The following SEPTIN14 variants were observed in gnomAD, a reference collection of about 807,000 sequenced individuals.
SEPTIN14 encodes septin-14.
In SEPTIN14, 40 loss-of-function variants were observed where a neutral mutation model predicts 53.6. The observed-to-expected ratio is 0.75, with a 90% CI of 0.58 to 0.97. SEPTIN14 has a LOEUF of 0.97. Among genes scored for constraint, SEPTIN14 ranks in the 50% least tolerant of loss-of-function variants. The pLI is 0.00. For missense variants in SEPTIN14, 471 were observed against 508.2 expected (o/e 0.93, Z 0.70); for synonymous variants, 138 against 166.8 (o/e 0.83, Z 1.33).
intron 2 of SEPTIN14, among the ~76,000 whole-genome samples, chr7:55,853,897 G>A (rs1022139672): frequency 3.3e-5 from 5 of 151,962 alleles, no homozygotes; most frequent in African/African-American, 9.7e-5. Context: ...GGAAGATCGC[G>A]TGAGCTCAGG....
intron 9 of SEPTIN14, among the ~76,000 whole-genome samples, chr7:55,804,361 C>A (rs1204588169): frequency 1.3e-5 from 2 of 150,824 alleles, no homozygotes; most frequent in African/African-American, 4.9e-5. Flanking sequence ...TGGGTTCAAG[C>A]GATTCTCCTA....
In SEPTIN14 at chr7:55,850,065, T is replaced by C. The variant is rs566769918; in HGVS notation, c.55-3428A>G. ...TCTTCAGGCCCTGCTGATTTCACTA[T>C]TGAATTCTATCAACAAGCAGTTAAA... is the stretch of plus-strand genomic sequence containing the variant. On this transcript the variant is annotated intron_variant, in intron 2 of 9. Coordinates refer to ENST00000388975, the MANE Select transcript of SEPTIN14 (RefSeq NM_207366.3). 2.6e-3 allele frequency among the ~76,000 whole-genome samples: 395 copies of C among 152,360 alleles called. 2 individuals are homozygous for C. The highest frequency in any genetic ancestry group is 4.5e-3 in the Non-Finnish European group (303 of 68,030).
chr7:55,841,638 C>T (rs1293493440), intron 5 of SEPTIN14, among the ~76,000 whole-genome samples: 1 of 151,924 alleles, frequency 6.6e-6, no homozygotes, highest in African/African-American at 2.4e-5. Flanking sequence ...GGTGGATCAC[C>T]CGAGGTCGGG....
intron 2 of SEPTIN14, among the ~76,000 whole-genome samples, chr7:55,855,794 C>T (rs1584275482): frequency 6.6e-6 from 1 of 152,026 alleles, no homozygotes; most frequent in Non-Finnish European, 1.5e-5. Flanking sequence ...CCTCGTGATC[C>T]ACCCACCTCG....
intron 5 of SEPTIN14, among the ~76,000 whole-genome samples, chr7:55,838,715 T>C (rs534207019): frequency 9.3e-4 from 142 of 151,948 alleles, no homozygotes; most frequent in African/African-American, 3.2e-3. Flanking sequence ...GCCTGGCTAA[T>C]TTTTCTATTT....
chr7:55,829,012 TTTAAA>T (rs1789040482), intron 6 of SEPTIN14, among the ~76,000 whole-genome samples: 1 of 151,432 alleles, frequency 6.6e-6, no homozygotes. Context: ...TGATTATTTA[TTTAAA>T]TTTACTTTTT....
At chr7:55,804,155 A>AC (rs1562705530) in intron 9 of SEPTIN14, among the ~76,000 whole-genome samples, 1 of 149,518 alleles carries the variant, frequency 6.7e-6, no homozygotes, top group East Asian at 1.9e-4. Flanking sequence ...AAAAAAAAAA[A>AC]AAAAGTCTTC....
chr7:55,845,060 C>G (rs1418808896), intron 3 of SEPTIN14, among the ~76,000 whole-genome samples: 1 of 152,112 alleles, frequency 6.6e-6, no homozygotes, highest in Non-Finnish European at 1.5e-5. Context: ...ATCTGATCCT[C>G]TCCCTCCTCC....
intron 2 of SEPTIN14, among the ~76,000 whole-genome samples, chr7:55,857,075 TA>T (rs994192740): frequency 6.8e-6 from 1 of 147,288 alleles, no homozygotes; most frequent in Non-Finnish European, 1.5e-5. Flanking sequence ...ATCTCAAATT[TA>T]AAAAAAAGAA....
At chr7:55,797,690 T>G (rs984283615) in intron 9 of SEPTIN14, among the ~76,000 whole-genome samples, 3 of 152,186 alleles carry the variant, frequency 2.0e-5, no homozygotes, top group African/African-American at 7.2e-5. Context: ...AGAATGCAGC[T>G]GGGCATGGTG....
chr7:55,839,488 G>T (rs1187245163), intron 5 of SEPTIN14, among the ~76,000 whole-genome samples: 1 of 151,000 alleles, frequency 6.6e-6, no homozygotes, highest in Admixed American at 6.6e-5. Flanking sequence ...TTTATTATTA[G>T]TTACTATTGT....
At chr7:55,830,739 T>G (rs2116023249) in intron 6 of SEPTIN14, among the ~76,000 whole-genome samples, 1 of 152,054 alleles carries the variant, frequency 6.6e-6, no homozygotes, top group South Asian at 2.1e-4. Context: ...GGTAAATACC[T>G]GGAAACATAC....
intron 2 of SEPTIN14, among the ~76,000 whole-genome samples, chr7:55,848,650 G>A (rs60116691): frequency 6.6e-5 from 9 of 137,322 alleles, no homozygotes; most frequent in Non-Finnish European, 9.1e-5. Flanking sequence ...TCGCTCTGTC[G>A]CCCAGGCTGC....
chr7:55,815,660 C>G (rs1350213848), intron 7 of SEPTIN14, among the ~76,000 whole-genome samples: 6 of 151,834 alleles, frequency 4.0e-5, no homozygotes, highest in African/African-American at 1.5e-4. Context: ...TAATCTCACC[C>G]CAGTTAAAAA....
At chr7:55,841,374 C>A (rs1789308439) in intron 5 of SEPTIN14, among the ~76,000 whole-genome samples, 1 of 152,160 alleles carries the variant, frequency 6.6e-6, no homozygotes, top group Non-Finnish European at 1.5e-5. Flanking sequence ...CCTCCTCCCA[C>A]CCTTCCCCTT....
At chr7:55,813,586 G>T (rs896743363) in intron 7 of SEPTIN14, among the ~76,000 whole-genome samples, 2 of 151,964 alleles carry the variant, frequency 1.3e-5, no homozygotes, top group African/African-American at 2.4e-5. Context: ...GATTAGAAGA[G>T]AACTTTATCT....
chr7:55,800,623 C>CAAA (rs57111413), intron 9 of SEPTIN14, among the ~76,000 whole-genome samples: 1 of 111,472 alleles, frequency 9.0e-6, no homozygotes, highest in African/African-American at 3.2e-5. Flanking sequence ...GACTTTGTCT[C>CAAA]AAAAAAAAAA....
intron 2 of SEPTIN14, 120 bp from the exon 3 acceptor site, chr7:55,846,757 C>T: frequency 1.8e-6 from 1 of 566,546 alleles, no homozygotes; most frequent in Non-Finnish European, 3.1e-6. Context: ...TATCATACCT[C>T]AGACAAGATG....
At chr7:55,856,457 T>C (rs1384492732) in intron 2 of SEPTIN14, among the ~76,000 whole-genome samples, 1 of 151,960 alleles carries the variant, frequency 6.6e-6, no homozygotes, top group Non-Finnish European at 1.5e-5. Context: ...AGTGGTGTGA[T>C]TTCAGCTCAC....
Sources: allele counts gnomAD v4.1 joint callset (sites outside exome capture counted in the v4.1 genomes callset), GRCh38; gene constraint gnomAD v4.1.1; transcripts MANE v1.5; gene names NCBI Gene and HGNC (gene_info 2026-07-23, HGNC 2026-07-21).